MED12L: variants seen among roughly 807,000 people sequenced by gnomAD.
MED12L encodes mediator of RNA polymerase II transcription subunit 12-like protein.
In MED12L, 60 loss-of-function variants were observed where a neutral mutation model predicts 281.3. The observed-to-expected ratio is 0.21, with a 90% CI of 0.17 to 0.26. The LOEUF (loss-of-function observed/expected upper bound fraction) is 0.26. MED12L is among the 10% of genes least tolerant of loss of function. The pLI, the probability that MED12L is intolerant of heterozygous loss-of-function variation, is 1.00. For synonymous variants in MED12L, 974 were observed against 987.2 expected (o/e 0.99, Z 0.25); for missense variants, 2,146 against 2,680.9 (o/e 0.80, Z 4.41).
At chr3:151,389,542 A>G (rs904294225) in intron 37 of MED12L, among the ~76,000 whole-genome samples, 1 of 152,128 alleles carries the variant, frequency 6.6e-6, no homozygotes, top group Admixed American at 6.5e-5. Flanking sequence ...CAAGTGAAAT[A>G]CCATCTTGGC....
chr3:151,266,131 C>T (rs1739789525), intron 16 of MED12L, among the ~76,000 whole-genome samples: 1 of 152,174 alleles, frequency 6.6e-6, no homozygotes, highest in African/African-American at 2.4e-5. Context: ...CTTTTGTTTG[C>T]AGCACAACGT....
chr3:151,135,346 C>T (rs1292441356), intron 5 of MED12L, among the ~76,000 whole-genome samples: 3 of 152,240 alleles, frequency 2.0e-5, no homozygotes, highest in South Asian at 2.1e-4. Flanking sequence ...TGAAATGAAT[C>T]GATACCTTTA....
At chr3:151,230,596 C>G (rs1242597759) in intron 16 of MED12L, among the ~76,000 whole-genome samples, 1 of 148,018 alleles carries the variant, frequency 6.8e-6, no homozygotes, top group Non-Finnish European at 1.5e-5. Context: ...GAATGCACTT[C>G]CACTTCCTTC....
intron 36 of MED12L, among the ~76,000 whole-genome samples, chr3:151,386,298 C>A (rs1713333498): frequency 6.6e-6 from 1 of 152,200 alleles, no homozygotes; most frequent in African/African-American, 2.4e-5. Context: ...GTGGTTTTTA[C>A]ACCAAGGAAA....
At chr3:151,129,214 A>G (rs991205410) in intron 5 of MED12L, among the ~76,000 whole-genome samples, 1 of 152,202 alleles carries the variant, frequency 6.6e-6, no homozygotes, top group Non-Finnish European at 1.5e-5. Context: ...GTTGGGGTAT[A>G]AAGTGGTGGG....
intron 39 of MED12L, among the ~76,000 whole-genome samples, chr3:151,398,954 C>A (rs1473476708): frequency 2.0e-5 from 3 of 151,978 alleles, no homozygotes; most frequent in African/African-American, 7.2e-5. Context: ...TTTCAAAATC[C>A]CTTACTGTGC....
chr3:151,108,686 G>A (rs1006716010), intron 2 of MED12L, among the ~76,000 whole-genome samples: 9 of 152,068 alleles, frequency 5.9e-5, no homozygotes, highest in Non-Finnish European at 1.2e-4. Context: ...TCATTGAATC[G>A]TCATGGAACT....
chr3:151,252,210 C>CA (rs1241130706), intron 16 of MED12L, among the ~76,000 whole-genome samples: 5 of 152,102 alleles, frequency 3.3e-5, no homozygotes, highest in African/African-American at 9.7e-5. Context: ...TCTGTTTATC[C>CA]AGTCACCCAA....
At chr3:151,259,721 C>G (rs1738505810) in intron 16 of MED12L, among the ~76,000 whole-genome samples, 1 of 152,220 alleles carries the variant, frequency 6.6e-6, no homozygotes, top group Non-Finnish European at 1.5e-5. Context: ...TATAAATACT[C>G]TGTGTTAATC....
intron 2 of MED12L, among the ~76,000 whole-genome samples, chr3:151,107,175 T>G (rs940079089): frequency 2.6e-5 from 4 of 152,190 alleles, no homozygotes; most frequent in Non-Finnish European, 4.4e-5. Context: ...TTATTTGTGT[T>G]GTTTTTCGGA....
chr3:151,364,523 C>T (rs377314828), intron 21 of MED12L, among the ~76,000 whole-genome samples: 8 of 152,116 alleles, frequency 5.3e-5, no homozygotes, highest in Admixed American at 1.3e-4. Flanking sequence ...TCTTGGCACA[C>T]GAACTTCTAC....
At chr3:151,329,098 T>A in intron 16 of MED12L, 4 of 867,244 alleles carry the variant, frequency 4.6e-6, no homozygotes, top group Non-Finnish European at 7.1e-6. Flanking sequence ...ACTTTATGTT[T>A]ATAGCATATT....
At chr3:151,381,946 G>A (rs1712437483) in intron 32 of MED12L, among the ~76,000 whole-genome samples, 1 of 152,282 alleles carries the variant, frequency 6.6e-6, no homozygotes, top group Middle Eastern at 3.4e-3. Context: ...CCATATTTCA[G>A]AGCATGATAG....
intron 2 of MED12L, among the ~76,000 whole-genome samples, chr3:151,108,377 C>T (rs1057198024): frequency 2.6e-5 from 4 of 152,018 alleles, no homozygotes; most frequent in Non-Finnish European, 5.9e-5. Flanking sequence ...CCTTATCTTC[C>T]AGGTCTTTTA....
At chr3:151,292,064 G>A (rs1306164750) in intron 16 of MED12L, among the ~76,000 whole-genome samples, 1 of 152,188 alleles carries the variant, frequency 6.6e-6, no homozygotes, top group Non-Finnish European at 1.5e-5. Flanking sequence ...TGAATGAAAG[G>A]ATTAAATGAG....
At chr3:151,335,746 T>C (rs1463240932) in intron 16 of MED12L, among the ~76,000 whole-genome samples, 2 of 152,220 alleles carry the variant, frequency 1.3e-5, no homozygotes, top group African/African-American at 4.8e-5. Context: ...TGGGTTTAGT[T>C]TGATGTAGTA....
intron 16 of MED12L, among the ~76,000 whole-genome samples, chr3:151,329,852 C>T (rs1306860273): frequency 6.6e-6 from 1 of 152,164 alleles, no homozygotes; most frequent in East Asian, 1.9e-4. Context: ...TCCCAAATTA[C>T]AATCAAGTAG....
At chr3:151,249,432 G>A (rs532803566) in intron 16 of MED12L, among the ~76,000 whole-genome samples, 79 of 152,250 alleles carry the variant, frequency 5.2e-4, no homozygotes, top group African/African-American at 1.9e-3. Flanking sequence ...CAGTACCAGG[G>A]GAGGAGGCAG....
chr3:151,410,031 G>A (rs1716773719), intron 40 of MED12L, among the ~76,000 whole-genome samples: 1 of 152,052 alleles, frequency 6.6e-6, no homozygotes, highest in African/African-American at 2.4e-5. Flanking sequence ...AGAAAATAAC[G>A]GGGCTTGAAA....
Sources: gnomAD v4.1 joint callset for allele counts (sites outside exome capture counted in the v4.1 genomes callset) on GRCh38, gnomAD v4.1.1 for gene constraint, MANE v1.5 for transcripts, NCBI Gene and HGNC (gene_info 2026-07-23, HGNC 2026-07-21) for gene names.